The following CTNNA1 variants were observed in gnomAD, a reference collection of about 807,000 sequenced individuals.
CTNNA1 encodes the protein catenin alpha 1.
Under a neutral mutation model 98.4 loss-of-function variants are expected in CTNNA1, and 37 were observed. The ratio of observed to expected loss-of-function variants is 0.38; its 90% CI spans 0.29 to 0.49. The LOEUF is 0.49. Among genes scored for constraint, CTNNA1 ranks in the 20% least tolerant of loss-of-function variants. The pLI is 0.95. For synonymous variants in CTNNA1, 404 were observed against 413.2 expected, an observed-to-expected ratio of 0.98 and a Z score of 0.27; for missense variants, 761 against 1,147.2, an observed-to-expected ratio of 0.66 and a Z score of 4.86.
chr5:138,886,156 A>G (rs1417336151), intron 7 of CTNNA1, 56 bp from the exon 8 acceptor site: 7 of 1,578,458 alleles, frequency 4.4e-6, no homozygotes, highest in Non-Finnish European at 4.3e-6. Flanking sequence ...GCTATAGGCT[A>G]TCATTAGGTT....
At chr5:138,824,067 G>A (rs2149773876) in intron 5 of CTNNA1, among the ~76,000 whole-genome samples, 1 of 151,334 alleles carries the variant, frequency 6.6e-6, no homozygotes, top group East Asian at 1.9e-4. Flanking sequence ...TTCTATCGTT[G>A]GTTGGTATAG....
chr5:138,810,831 G>A (rs6596450), intron 4 of CTNNA1, among the ~76,000 whole-genome samples: 103,388 of 151,786 alleles, frequency 0.68, 35,442 homozygotes, highest in East Asian at 0.93. Context: ...GGTTTCGGCC[G>A]GGCAGAGGGG....
At chr5:138,767,526 G>A (rs1200473455) in intron 1 of CTNNA1, among the ~76,000 whole-genome samples, 1 of 152,142 alleles carries the variant, frequency 6.6e-6, no homozygotes, top group Admixed American at 6.5e-5. Context: ...TTTGGGGACC[G>A]TCTTTTGGGT....
chr5:138,919,061 T>C (rs1027473133), intron 11 of CTNNA1, among the ~76,000 whole-genome samples: 2 of 152,130 alleles, frequency 1.3e-5, no homozygotes, highest in African/African-American at 4.8e-5. Context: ...CTGCAAAAAG[T>C]AGGGGGTAAA....
intron 13 of CTNNA1, among the ~76,000 whole-genome samples, chr5:138,926,040 C>T (rs1763951850): frequency 1.3e-5 from 2 of 152,192 alleles, no homozygotes; most frequent in Non-Finnish European, 2.9e-5. Flanking sequence ...GCCCCTGGGC[C>T]TCTCAGTTTC....
At chr5:138,919,918 G>T in intron 11 of CTNNA1, among the ~76,000 whole-genome samples, 1 of 150,898 alleles carries the variant, frequency 6.6e-6, no homozygotes, top group South Asian at 2.1e-4. Context: ...TCAGCATTCA[G>T]ACTCCTTTAT....
chr5:138,871,578 C>T (rs911111847), intron 7 of CTNNA1: 1 of 152,188 alleles, frequency 6.6e-6, no homozygotes, highest in African/African-American at 2.4e-5. Flanking sequence ...GGTCCTTTCC[C>T]TGTTTGGTGC....
chr5:138,801,042 T>G (rs950515038), intron 3 of CTNNA1, among the ~76,000 whole-genome samples: 2 of 152,318 alleles, frequency 1.3e-5, no homozygotes, highest in Middle Eastern at 3.4e-3. Context: ...GAATGATCAC[T>G]TTTCACTGTC....
Position 138,930,622 on chromosome 5 carries a change from C to T in CTNNA1, c.2160C>T (p.Cys720=). The T allele has an allele frequency of 6.2e-7, 1 of 1,613,696 alleles. No individual in the cohort carries two copies. The highest frequency in any genetic ancestry group is 8.5e-7 in the Non-Finnish European group (1 of 1,179,814). The stretch of plus-strand genomic sequence containing the variant: ...TCATTGTGCTGGCCAAGCAGATGTG[C>T]ATGATTATGATGGAGATGACAGACT... The part of the protein sequence containing the change: ...NDIIVLAKQM[C]MIMMEMTDFT... Residue 720 remains cysteine, a synonymous_variant, in exon 15 of 18, where the codon TGC becomes TGT. Coordinates refer to ENST00000302763, the MANE Select transcript of CTNNA1 (RefSeq NM_001903.5).
chr5:138,824,951 A>G (rs1279757952), intron 6 of CTNNA1, 152 bp downstream of exon 6: 1 of 725,162 alleles, frequency 1.4e-6, no homozygotes, highest in Non-Finnish European at 2.3e-6. Context: ...TCATCAGTCT[A>G]CTTGATTTTA....
intron 1 of CTNNA1, among the ~76,000 whole-genome samples, chr5:138,774,928 TAAG>T (rs779508978): frequency 2.5e-4 from 38 of 152,308 alleles, no homozygotes; most frequent in Non-Finnish European, 4.4e-4. Flanking sequence ...TTTTTTAAGT[TAAG>T]AAGTAAGTGA....
chr5:138,811,778 C>T (rs562632359), intron 4 of CTNNA1, among the ~76,000 whole-genome samples: 55 of 152,212 alleles, frequency 3.6e-4, no homozygotes, highest in African/African-American at 1.2e-3. Flanking sequence ...ACCAGTCAGG[C>T]GTGGCAGCGC....
At chr5:138,823,500 A>C (rs1760250412) in intron 5 of CTNNA1, among the ~76,000 whole-genome samples, 1 of 152,166 alleles carries the variant, frequency 6.6e-6, no homozygotes, top group East Asian at 1.9e-4. Flanking sequence ...TGTACTGTGT[A>C]AGAAAAGTGT....
intron 12 of CTNNA1, 69 bp downstream of exon 12, chr5:138,924,779 C>T: frequency 7.4e-7 from 1 of 1,359,638 alleles, no homozygotes; most frequent in Non-Finnish European, 1.0e-6. Flanking sequence ...ACCCCATTAG[C>T]CCAGCCCTGT....
chr5:138,824,199 A>G (rs1456917319), intron 5 of CTNNA1, among the ~76,000 whole-genome samples: 1 of 152,138 alleles, frequency 6.6e-6, no homozygotes, highest in East Asian at 1.9e-4. Flanking sequence ...AATCCTCAAA[A>G]CAATGATAAG....
intron 7 of CTNNA1, chr5:138,872,796 G>C: frequency 2.3e-6 from 1 of 441,966 alleles, no homozygotes; most frequent in South Asian, 5.5e-5. Context: ...TTTCCAACAG[G>C]AGTGCAAATT....
At chr5:138,881,541 T>C (rs950539708) in intron 7 of CTNNA1, among the ~76,000 whole-genome samples, 4 of 152,248 alleles carry the variant, frequency 2.6e-5, no homozygotes, top group African/African-American at 9.6e-5. Context: ...TCAAACATTT[T>C]TCTTGATAAT....
intron 1 of CTNNA1, among the ~76,000 whole-genome samples, chr5:138,776,039 CTTTTTTTTT>C (rs57467422): frequency 1.2e-5 from 1 of 83,886 alleles, no homozygotes; most frequent in Non-Finnish European, 2.1e-5. Context: ...GGAAATGTTT[CTTTTTTTTT>C]TTTTTTTTTT....
intron 1 of CTNNA1, chr5:138,753,718 A>G: frequency 3.1e-6 from 1 of 319,130 alleles, no homozygotes; most frequent in Non-Finnish European, 5.7e-6. Flanking sequence ...GCAGGGCCCG[A>G]GTATGGGGCC....
Sources: allele counts gnomAD v4.1 joint callset (sites outside exome capture counted in the v4.1 genomes callset), GRCh38; gene constraint gnomAD v4.1.1; transcripts MANE v1.5; gene names NCBI Gene and HGNC (gene_info 2026-07-23, HGNC 2026-07-21).